AKAP13: variants seen among roughly 807,000 people sequenced by gnomAD.
AKAP13 encodes A-kinase anchoring protein 13.
Under a neutral mutation model 264.5 loss-of-function variants are expected in AKAP13, and 80 were observed. That is an observed-to-expected ratio of 0.30 (90% CI 0.25 to 0.36). AKAP13 has a LOEUF of 0.36. AKAP13 is among the 10% of genes least tolerant of loss of function. The pLI is 1.00. For synonymous variants in AKAP13, 1,380 were observed against 1,250.2 expected (o/e 1.10, Z -2.19); for missense variants, 3,712 against 3,435.2 (o/e 1.08, Z -2.01).
intron 5 of AKAP13, 92 bp from the exon 6 acceptor site, chr15:85,575,039 T>G: frequency 7.9e-7 from 1 of 1,272,302 alleles, no homozygotes; most frequent in Admixed American, 1.9e-5. Flanking sequence ...CAAAGAACAA[T>G]CAGGTTAGAA....
In AKAP13 at chr15:85,646,019, A is replaced by G. The variant is rs1341632423; in HGVS notation, c.4374+65A>G. 5.1e-6 allele frequency: 8 copies of G among 1,567,390 alleles called. No homozygotes were observed. The African/African-American group carries it at 8.3e-5, about 16-fold the overall frequency. On this transcript the variant is annotated intron_variant, in intron 10 of 36. Transcript: ENST00000394518. The stretch of plus-strand genomic sequence containing the variant: ...TTTGTGTTCCTATTTGGGCTTCCCA[A>G]ACTCTTTTCCAACTTTTTCCCCCTC...
At chr15:85,725,461 G>A (rs1285911120) in intron 26 of AKAP13, among the ~76,000 whole-genome samples, 1 of 152,104 alleles carries the variant, frequency 6.6e-6, no homozygotes, top group Non-Finnish European at 1.5e-5. Context: ...ACTGATGGCA[G>A]TACACAGAAA....
chr15:85,459,701 G>A (rs953037657), intron 1 of AKAP13, among the ~76,000 whole-genome samples: 7 of 151,936 alleles, frequency 4.6e-5, no homozygotes, highest in Non-Finnish European at 5.9e-5. Context: ...GGGTTTCACC[G>A]TGTTAGCCAG....
At chr15:85,631,973 T>G (rs2081852896) in intron 8 of AKAP13, among the ~76,000 whole-genome samples, 1 of 152,076 alleles carries the variant, frequency 6.6e-6, no homozygotes, top group Non-Finnish European at 1.5e-5. Flanking sequence ...TCCACCCAAT[T>G]GAAAATAGAT....
chr15:85,664,621 C>T lies in AKAP13; in HGVS notation c.4858C>T (p.Leu1620=). The T allele has an allele frequency of 6.2e-7, 1 of 1,614,056 alleles. No individual in the cohort carries two copies. The highest frequency in any genetic ancestry group is 8.5e-7 in the Non-Finnish European group (1 of 1,179,946). The change falls in exon 13 of 37, where the codon CTA becomes TTA. Residue 1620 remains leucine (L), a synonymous_variant. Transcript: ENST00000394518. ...TGTCGGAAACAAGCCATCCTCATCT[C>T]TAGAAGTAAGCTCTGCAAATGCCGA... ...AGVGNKPSSS[L]EVSSANAEEL... is the part of the protein sequence containing the mutation.
chr15:85,559,699 C>G (rs1280484477), intron 5 of AKAP13, among the ~76,000 whole-genome samples: 2 of 129,264 alleles, frequency 1.5e-5, no homozygotes, highest in Admixed American at 7.3e-5. Context: ...TCTAGTGCCA[C>G]CGTTGATCCG....
intron 1 of AKAP13, among the ~76,000 whole-genome samples, chr15:85,417,229 T>G (rs907985766): frequency 6.6e-6 from 1 of 152,220 alleles, no homozygotes; most frequent in African/African-American, 2.4e-5. Context: ...CAGCTTTCTT[T>G]AATATGTGCC....
intron 1 of AKAP13, among the ~76,000 whole-genome samples, chr15:85,426,945 GTTTTGTTTTGTTTTTTTT>G (rs891927787): frequency 3.5e-5 from 4 of 115,690 alleles, no homozygotes; most frequent in East Asian, 2.2e-4. Context: ...CCTTAGTATT[GTTTTGTTTTGTTTTTTTT>G]TTTTTTTTTG....
At chr15:85,433,587 T>G (rs1184678465) in intron 1 of AKAP13, among the ~76,000 whole-genome samples, 4 of 152,178 alleles carry the variant, frequency 2.6e-5, no homozygotes, top group Non-Finnish European at 5.9e-5. Context: ...GGGGACTTCC[T>G]GATCATCCCT....
intron 10 of AKAP13, among the ~76,000 whole-genome samples, chr15:85,651,783 C>T (rs931252017): frequency 6.6e-6 from 1 of 152,142 alleles, no homozygotes; most frequent in Non-Finnish European, 1.5e-5. Flanking sequence ...TAACTGTTTT[C>T]CCACCGCAGA....
chr15:85,464,617 G>A (rs1265575665), intron 1 of AKAP13, among the ~76,000 whole-genome samples: 1 of 152,160 alleles, frequency 6.6e-6, no homozygotes, highest in African/African-American at 2.4e-5. Flanking sequence ...GTAGGTTCTT[G>A]TTCATCTGTC....
At chr15:85,389,113 G>T (rs1007287478) in intron 1 of AKAP13, among the ~76,000 whole-genome samples, 9 of 152,168 alleles carry the variant, frequency 5.9e-5, no homozygotes, top group African/African-American at 2.2e-4. Flanking sequence ...GTTCCTGGGT[G>T]ATTCTTTGCG....
chr15:85,436,862 G>C (rs1253019806), intron 1 of AKAP13, among the ~76,000 whole-genome samples: 1 of 152,020 alleles, frequency 6.6e-6, no homozygotes, highest in Non-Finnish European at 1.5e-5. Context: ...ACAAGAGAAA[G>C]CAGGAAAGAT....
At chr15:85,595,059 C>G (rs1018317877) in intron 8 of AKAP13, among the ~76,000 whole-genome samples, 3 of 152,032 alleles carry the variant, frequency 2.0e-5, no homozygotes, top group African/African-American at 7.2e-5. Context: ...TTATTTTTCC[C>G]TGGACAAATT....
chr15:85,548,508 G>C (rs2151225507), intron 5 of AKAP13, among the ~76,000 whole-genome samples: 1 of 152,178 alleles, frequency 6.6e-6, no homozygotes, highest in South Asian at 2.1e-4. Context: ...AGTGTGACTT[G>C]GAAAATGTCA....
At position 85,682,824 on chromosome 15, in the gene AKAP13, T is replaced by C. The variant is rs549714774; in HGVS notation, c.5156+612T>C. On this transcript the variant is annotated intron_variant, in intron 15 of 36. Coordinates refer to ENST00000394518, the MANE Select transcript of AKAP13 (RefSeq NM_007200.5). ...CTGGGATGACAGGCATGCGCCACCA[T>C]GCCCAGCTAATTTTGTATTTTTAGT... Among the ~76,000 whole-genome samples, 9 of 152,252 alleles carry C rather than the reference T, an allele frequency of 5.9e-5. No individual in the cohort carries two copies. In the East Asian group the frequency reaches 1.7e-3, roughly 29 times the overall value.
intron 1 of AKAP13, among the ~76,000 whole-genome samples, chr15:85,385,644 TTTATTCA>T (rs1211979904): frequency 6.6e-6 from 1 of 152,242 alleles, no homozygotes; most frequent in Non-Finnish European, 1.5e-5. Context: ...ATGTAGCCTT[TTTATTCA>T]TTTGCCCAAT....
Position 85,467,634 on chromosome 15 carries a change from G to C in AKAP13, c.-11-18076G>C, listed in dbSNP as rs16940073. On this transcript the variant is annotated intron_variant, in intron 1 of 36. Transcript: ENST00000394518. ...TTGGCCACTCCCTTGTGTCTTCCTT[G>C]TTTTCATATCTGTTTCTCTTGGAAC... Among the ~76,000 whole-genome samples the C allele has an allele frequency of 1.4e-4, 21 of 152,084 alleles. No homozygotes were observed. The East Asian group carries it at 3.5e-3, about 25-fold the overall frequency.
chr15:85,645,084 T>C (rs2082493189), intron 9 of AKAP13, among the ~76,000 whole-genome samples: 1 of 152,194 alleles, frequency 6.6e-6, no homozygotes, highest in East Asian at 1.9e-4. Context: ...CATGTCACCG[T>C]AGTACAGCCT....
Sources: gnomAD v4.1 joint callset for allele counts (sites outside exome capture counted in the v4.1 genomes callset) on GRCh38, gnomAD v4.1.1 for gene constraint, MANE v1.5 for transcripts, NCBI Gene and HGNC (gene_info 2026-07-23, HGNC 2026-07-21) for gene names.